Variants in MAN2B2 observed in about 807,000 individuals in gnomAD.
MAN2B2 encodes epididymis-specific alpha-mannosidase.
A neutral mutation model predicts 117.1 loss-of-function variants in MAN2B2; 106 were observed. The observed-to-expected ratio is 0.90, with a 90% confidence interval of 0.77 to 1.06. MAN2B2 has a LOEUF of 1.06. Ranked by LOEUF, MAN2B2 falls within the 50% of genes least tolerant of loss-of-function variation. MAN2B2 has a pLI of 0.00. For synonymous variants in MAN2B2, 544 were observed against 595.1 expected, an observed-to-expected ratio of 0.91 and a Z score of 1.25; for missense variants, 1,326 against 1,381.4, an observed-to-expected ratio of 0.96 and a Z score of 0.64.
At chr4:6,595,606 TC>T (rs1230066342) in intron 7 of MAN2B2, among the ~76,000 whole-genome samples, 1 of 152,204 alleles carries the variant, frequency 6.6e-6, no homozygotes, top group Admixed American at 6.5e-5. Context: ...ACAATCCCAG[TC>T]CCATGACAAT....
At position 6,579,245 on chromosome 4, in the gene MAN2B2, CTT is replaced by C. The variant is rs1491286805; in HGVS notation, c.391+748_391+749del. Among the ~76,000 whole-genome samples, 6 of 13,108 alleles carry C rather than the reference CTT, an allele frequency of 4.6e-4. 1 individual carries two copies. Among genetic ancestry groups the C allele is most frequent in the Non-Finnish European group, 9.4e-4 (5 of 5,320 alleles). The allele number at this position is 13,108 out of a possible 152,430, so 8.6% of individuals were successfully genotyped here. A position where few individuals can be genotyped will look rare whatever the true frequency, so the allele number is the denominator to read the frequency against. ...CACCACCACCATCACCACCACCACC[CTT>C]CACCACCATCACCACCACCACCATC... On this transcript the variant is annotated intron_variant, in intron 3 of 18. Transcript: ENST00000285599.
At chr4:6,597,335 T>G in intron 8 of MAN2B2, 32 bp downstream of exon 8, 1 of 1,515,762 alleles carries the variant, frequency 6.6e-7, no homozygotes. Flanking sequence ...GTGGCAGGAT[T>G]GGAACCTCCC....
In MAN2B2 at chr4:6,593,721, C is replaced by T. The variant is rs576932951; in HGVS notation, c.858+371C>T. Among the ~76,000 whole-genome samples, 9 of 152,344 alleles carry T rather than the reference C, an allele frequency of 5.9e-5. No individual in the cohort carries two copies. The East Asian group carries it at 9.7e-4, about 16-fold the overall frequency. ...GGCTTGGTGAGAGGTGAAGCGTTCC[C>T]GGGAAGCCAGTGCCCGGCACGTCGT... On this transcript the variant is annotated intron_variant, in intron 6 of 18. Coordinates refer to ENST00000285599, the MANE Select transcript of MAN2B2 (RefSeq NM_015274.3).
intron 3 of MAN2B2, among the ~76,000 whole-genome samples, chr4:6,579,360 ATCACCATCACCACCACCACCACTACCCT>A (rs1255050535): frequency 8.2e-5 from 8 of 97,608 alleles, no homozygotes; most frequent in Non-Finnish European, 1.0e-4. Flanking sequence ...CACCACCACC[ATCACCATCACCACCACCACCACTACCCT>A]TCACCATCAC....
chr4:6,611,170 C>A lies in MAN2B2; in HGVS notation c.2455C>A (p.Pro819Thr), dbSNP rs773091172. The change falls in exon 15 of 19, where the codon CCA becomes ACA. Residue 819 changes from proline to threonine, a missense_variant. Transcript: ENST00000285599. Reference protein sequence around the residue: ...LTLNDTSVVHPVLWLLLGSWS... With the variant: ...LTLNDTSVVHTVLWLLLGSWS... The stretch of plus-strand genomic sequence containing the variant: ...GCTGAACGACACCTCAGTCGTCCAC[C>A]CAGTGCTCTGGCTTCTGCTGGGATC... 14 of 1,613,984 alleles carry A rather than the reference C, an allele frequency of 8.7e-6. No homozygotes were observed. The highest frequency in any genetic ancestry group is 1.7e-5 in the Admixed American group (1 of 60,026).
chr4:6,608,470 T>C (rs1014713808), intron 11 of MAN2B2, among the ~76,000 whole-genome samples: 14 of 152,242 alleles, frequency 9.2e-5, no homozygotes, highest in African/African-American at 3.1e-4. Flanking sequence ...ATTAAAATAC[T>C]TGACCCCCTC....
At chr4:6,595,889 C>T (rs1359721158) in intron 7 of MAN2B2, among the ~76,000 whole-genome samples, 1 of 152,192 alleles carries the variant, frequency 6.6e-6, no homozygotes, top group Non-Finnish European at 1.5e-5. Flanking sequence ...ACCAGTGGGG[C>T]TGCATAGTCC....
intron 2 of MAN2B2, among the ~76,000 whole-genome samples, chr4:6,577,721 C>T (rs1044845791): frequency 5.9e-5 from 9 of 152,230 alleles, no homozygotes; most frequent in African/African-American, 7.2e-5. Flanking sequence ...TGGACCCCAC[C>T]AAACCCAGTG....
At chr4:6,617,291 G>A in intron 16 of MAN2B2, 89 bp from the exon 17 acceptor site, 1 of 944,670 alleles carries the variant, frequency 1.1e-6, no homozygotes, top group Non-Finnish European at 1.7e-6. Flanking sequence ...AGGAAATGGA[G>A]CTGAGTGTGT....
intron 10 of MAN2B2, among the ~76,000 whole-genome samples, chr4:6,602,999 C>T (rs1358155453): frequency 6.6e-6 from 1 of 152,142 alleles, no homozygotes; most frequent in Non-Finnish European, 1.5e-5. Context: ...GTTTGCTGGG[C>T]CCCCTTGTAT....
chr4:6,595,769 C>T (rs1344681080), intron 7 of MAN2B2, among the ~76,000 whole-genome samples: 1 of 152,236 alleles, frequency 6.6e-6, no homozygotes, highest in Non-Finnish European at 1.5e-5. Flanking sequence ...AGAGATGCCA[C>T]AGATGAACTC....
intron 5 of MAN2B2, among the ~76,000 whole-genome samples, chr4:6,591,580 A>T (rs1442986958): frequency 6.6e-6 from 1 of 152,144 alleles, no homozygotes; most frequent in East Asian, 1.9e-4. Flanking sequence ...AGCTGGTCTG[A>T]CTGATAGTGG....
chr4:6,607,857 T>A (rs1240542718), intron 11 of MAN2B2, among the ~76,000 whole-genome samples: 3 of 152,218 alleles, frequency 2.0e-5, no homozygotes, highest in Admixed American at 6.5e-5. Flanking sequence ...CAGCAGCAGA[T>A]GAGGGTTCTG....
chr4:6,597,196 G>T lies in MAN2B2; in HGVS notation c.1141G>T (p.Ala381Ser). ...LARRASALLY[A>S]GESMFTRYLW... Reference sequence around the variant, plus strand: ...CCGGCGAGCCAGCGCCTTGTTGTATGCCGGGGAGTCCATGTTCACACGCTA... The same window carrying T: ...CCGGCGAGCCAGCGCCTTGTTGTATTCCGGGGAGTCCATGTTCACACGCTA... The change falls in exon 8 of 19, where the codon GCC becomes TCC. Residue 381 changes from alanine (A) to serine (S), a missense_variant. Transcript: ENST00000285599. The T allele has an allele frequency of 1.2e-6, 2 of 1,612,440 alleles. No individual in the cohort carries two copies. Among genetic ancestry groups the T allele is most frequent in the Non-Finnish European group, 1.7e-6 (2 of 1,179,620 alleles).
At position 6,597,302 on chromosome 4, in the gene MAN2B2, A is replaced by T. The variant is rs1727143569; in HGVS notation, c.1247A>T (p.Glu416Val). ...QLQQLRWAVS[E>V]VQHHDAITGT... The stretch of plus-strand genomic sequence containing the variant: ...CAGCAGCTTCGCTGGGCCGTCTCCG[A>T]GGTAACACCACATTTAGCCACAGTG... Residue 416 changes from glutamate to valine, a missense_variant and splice_region_variant, in exon 8 of 19, where the codon GAG (glutamate) becomes GTG (valine). Glu to Val is a moderately radical substitution (Grantham distance 121, BLOSUM62 -2). Coordinates refer to ENST00000285599, the MANE Select transcript of MAN2B2 (RefSeq NM_015274.3). 6.5e-7 allele frequency: 1 copy of T among 1,538,686 alleles called. No individual in the cohort carries two copies. Among genetic ancestry groups the T allele is most frequent in the Non-Finnish European group, 8.8e-7 (1 of 1,141,676 alleles).
In MAN2B2 at chr4:6,575,739, G is replaced by GGCCA. The variant is rs1726032773; in HGVS notation, c.138+394_138+397dup. 2.0e-5 allele frequency among the ~76,000 whole-genome samples: 3 copies of GGCCA among 152,162 alleles called. No homozygotes were observed. In the South Asian group the frequency reaches 6.2e-4, roughly 31 times the overall value. Reference sequence around the variant, plus strand: ...GTCCCCTGCGGGGCTGAATATTGGAGGCCAGCTCAGCGTCCTCCGCCCCCC... The same window carrying GGCCA: ...GTCCCCTGCGGGGCTGAATATTGGAGGCCAGCCAGCTCAGCGTCCTCCGCCCCCC... On this transcript the variant is annotated intron_variant, in intron 1 of 18. Transcript: ENST00000285599.
chr4:6,596,429 A>C (rs1288002120), intron 7 of MAN2B2, among the ~76,000 whole-genome samples: 2 of 152,172 alleles, frequency 1.3e-5, no homozygotes, highest in Non-Finnish European at 2.9e-5. Flanking sequence ...ATCTGGGCAC[A>C]TCCCAGACGC....
chr4:6,615,224 T>C (rs770995991), intron 16 of MAN2B2, among the ~76,000 whole-genome samples: 16 of 152,028 alleles, frequency 1.1e-4, no homozygotes, highest in Admixed American at 3.9e-4. Context: ...AGGAAGATCC[T>C]GTGTCTATAA....
chr4:6,588,852 G>A (rs1726748172), intron 4 of MAN2B2, among the ~76,000 whole-genome samples, 193 bp from the exon 5 acceptor site: 2 of 152,146 alleles, frequency 1.3e-5, no homozygotes, highest in Non-Finnish European at 2.9e-5. Context: ...TGGGTGGGGT[G>A]AATGAGCACT....
Sources: gnomAD v4.1 joint callset for allele counts (sites outside exome capture counted in the v4.1 genomes callset) on GRCh38, gnomAD v4.1.1 for gene constraint, MANE v1.5 for transcripts, NCBI Gene and HGNC (gene_info 2026-07-23, HGNC 2026-07-21) for gene names.